The following DNAH14 variants were observed in gnomAD, a reference collection of about 807,000 sequenced individuals.
DNAH14 encodes the protein axonemal beta dynein heavy chain 14.
In DNAH14, 478 loss-of-function variants were observed where a neutral mutation model predicts 520.9. The observed-to-expected ratio is 0.92, with a 90% CI of 0.85 to 0.99. The LOEUF (loss-of-function observed/expected upper bound fraction) is 0.99, where lower values mean the gene tolerates loss of function less well. Among genes scored for constraint, DNAH14 ranks in the 50% least tolerant of loss-of-function variants. The probability of loss-of-function intolerance (pLI) is 0.00; values close to 1 mark genes in which losing one functional copy is unlikely to be tolerated. For synonymous variants in DNAH14, 1,581 were observed against 1,757.2 expected, an observed-to-expected ratio of 0.90 and a Z score of 2.51; for missense variants, 4,831 against 5,234.5, an observed-to-expected ratio of 0.92 and a Z score of 2.38.
At chr1:225,386,887 T>G (rs1220926604) in intron 81 of DNAH14, among the ~76,000 whole-genome samples, 1 of 152,240 alleles carries the variant, frequency 6.6e-6, no homozygotes, top group East Asian at 1.9e-4. Context: ...ACTGGGCATA[T>G]ATCCAAAGGA....
At chr1:225,204,603 C>G (rs1374249992) in intron 39 of DNAH14, among the ~76,000 whole-genome samples, 1 of 152,188 alleles carries the variant, frequency 6.6e-6, no homozygotes, top group Non-Finnish European at 1.5e-5. Context: ...GATATTGCCT[C>G]TGAAATGGGA....
chr1:225,392,578 C>A, intron 84 of DNAH14, 127 bp downstream of exon 84: 1 of 1,139,172 alleles, frequency 8.8e-7, no homozygotes, highest in Non-Finnish European at 1.2e-6. Flanking sequence ...ACAGGCAGAT[C>A]AACAAGCCCT....
chr1:224,988,603 C>A (rs1364198528), intron 8 of DNAH14, among the ~76,000 whole-genome samples: 6 of 152,146 alleles, frequency 3.9e-5, no homozygotes, highest in Non-Finnish European at 8.8e-5. Flanking sequence ...TTTGACCCAG[C>A]AATTCCATTA....
intron 60 of DNAH14, among the ~76,000 whole-genome samples, chr1:225,316,743 C>T (rs374579445): frequency 2.6e-5 from 4 of 152,180 alleles, no homozygotes; most frequent in African/African-American, 9.7e-5. Flanking sequence ...GCAGAAATCA[C>T]CCACCTTCTG....
chr1:225,208,729 T>A (rs1185768150), intron 41 of DNAH14, among the ~76,000 whole-genome samples: 1 of 152,044 alleles, frequency 6.6e-6, no homozygotes, highest in East Asian at 1.9e-4. Context: ...CACCTAGAAA[T>A]GTTAGATAGA....
At chr1:225,273,514 T>G (rs1402939650) in intron 52 of DNAH14, among the ~76,000 whole-genome samples, 2 of 152,210 alleles carry the variant, frequency 1.3e-5, no homozygotes, top group Non-Finnish European at 2.9e-5. Context: ...CCTCAAAAAT[T>G]TATATAATAC....
At chr1:225,194,261 A>C (rs189134136) in intron 38 of DNAH14, among the ~76,000 whole-genome samples, 1 of 152,178 alleles carries the variant, frequency 6.6e-6, no homozygotes, top group Non-Finnish European at 1.5e-5. Context: ...ACCCAATTTC[A>C]AACTATACTA....
At chr1:224,953,037 A>C (rs1296939898) in intron 2 of DNAH14, 1 of 257,722 alleles carries the variant, frequency 3.9e-6, no homozygotes, top group African/African-American at 2.3e-5. Context: ...GTTGGATATG[A>C]GAAATTAACC....
intron 10 of DNAH14, among the ~76,000 whole-genome samples, chr1:225,018,133 G>A (rs1310757463): frequency 1.3e-5 from 2 of 152,144 alleles, no homozygotes; most frequent in Non-Finnish European, 2.9e-5. Flanking sequence ...CGAGGTACAA[G>A]AGAAGGTCAA....
chr1:225,064,846 C>T (rs2070654862), intron 17 of DNAH14, among the ~76,000 whole-genome samples: 1 of 151,886 alleles, frequency 6.6e-6, no homozygotes, highest in Non-Finnish European at 1.5e-5. Flanking sequence ...GAGGTAGTTA[C>T]AAATATGTAT....
rs1342799358 is a variant in DNAH14 at position 225,266,729 on chromosome 1, A to C, written c.7499A>C (p.Asp2500Ala). 4 of 1,527,386 alleles carry C rather than the reference A, an allele frequency of 2.6e-6. No individual in the cohort carries two copies. Among genetic ancestry groups the C allele is most frequent in the Non-Finnish European group, 3.5e-6 (4 of 1,140,816 alleles). The allele number at this position is 1,527,386 out of a possible 1,614,324, so 94.6% of individuals were successfully genotyped here. The change falls in exon 49 of 86, where the codon GAT becomes GCT. Residue 2500 changes from aspartate to alanine, a missense_variant. Coordinates refer to ENST00000682510, the MANE Select transcript of DNAH14 (RefSeq NM_001367479.1). The stretch of plus-strand genomic sequence containing the variant: ...CTGGAATTGATAAGACAATTGTTAG[A>C]TTTGGGAGGAGTTTATGATACTGAA... ...PPLELIRQLL[D>A]LGGVYDTEKN... is the part of the protein sequence containing the mutation.
chr1:225,269,670 G>C (rs2149820441), intron 49 of DNAH14, among the ~76,000 whole-genome samples: 1 of 152,194 alleles, frequency 6.6e-6, no homozygotes, highest in Middle Eastern at 3.4e-3. Flanking sequence ...GTGGGCAAAG[G>C]ATATGAACAG....
chr1:225,341,510 T>C (rs552049008), intron 69 of DNAH14, among the ~76,000 whole-genome samples: 2 of 152,150 alleles, frequency 1.3e-5, no homozygotes, highest in South Asian at 4.1e-4. Flanking sequence ...CTACTAAAAA[T>C]ACAAAATTAG....
intron 34 of DNAH14, among the ~76,000 whole-genome samples, chr1:225,158,740 TCA>T (rs1405253580): frequency 6.6e-6 from 1 of 152,156 alleles, no homozygotes; most frequent in Non-Finnish European, 1.5e-5. Flanking sequence ...AAAAGAATAT[TCA>T]CAGAGTCCAT....
chr1:224,955,217 T>A, intron 3 of DNAH14, 119 bp downstream of exon 3: 1 of 1,069,422 alleles, frequency 9.4e-7, no homozygotes, highest in East Asian at 2.4e-5. Flanking sequence ...AATATTAGTG[T>A]CTATTTTACT....
intron 66 of DNAH14, among the ~76,000 whole-genome samples, chr1:225,335,893 A>ATG (rs1491419093): frequency 2.7e-5 from 3 of 112,484 alleles, no homozygotes; most frequent in African/African-American, 8.8e-5. Flanking sequence ...ATGTACATAT[A>ATG]CATACATATA....
At chr1:225,024,179 T>C in intron 11 of DNAH14, 1 of 984,562 alleles carries the variant, frequency 1.0e-6, no homozygotes, top group Non-Finnish European at 1.2e-6. Flanking sequence ...AGCAAATATA[T>C]TTTTTATTTG....
intron 38 of DNAH14, among the ~76,000 whole-genome samples, chr1:225,199,744 T>G (rs537625346): frequency 2.4e-4 from 36 of 152,332 alleles, no homozygotes; most frequent in Non-Finnish European, 4.9e-4. Context: ...TGAGACTTGT[T>G]TTGTGGCCTC....
At chr1:225,223,225 C>A (rs2090221241) in intron 41 of DNAH14, among the ~76,000 whole-genome samples, 1 of 152,114 alleles carries the variant, frequency 6.6e-6, no homozygotes. Context: ...ATCGACAAAA[C>A]AATCAGGTAT....
Sources: gnomAD v4.1 joint callset for allele counts (sites outside exome capture counted in the v4.1 genomes callset) on GRCh38, gnomAD v4.1.1 for gene constraint, MANE v1.5 for transcripts, NCBI Gene and HGNC (gene_info 2026-07-23, HGNC 2026-07-21) for gene names.